Variants in CNTN5 observed in about 807,000 individuals in gnomAD.
The protein encoded by CNTN5 is contactin 5, also known as contactin-5.
CNTN5 carries 77 observed loss-of-function variants against 129.1 expected under a neutral mutation model. The observed-to-expected ratio is 0.60, with a 90% confidence interval of 0.50 to 0.72. CNTN5 has a LOEUF of 0.72. CNTN5 is among the 30% of genes least tolerant of loss of function. The pLI is 0.00. For synonymous variants in CNTN5, 509 were observed against 465.6 expected (o/e 1.09, Z -1.20); for missense variants, 1,478 against 1,328.8 (o/e 1.11, Z -1.75).
intron 13 of CNTN5, among the ~76,000 whole-genome samples, chr11:100,144,041 A>G (rs1280964951): frequency 2.6e-5 from 4 of 152,166 alleles, no homozygotes; most frequent in African/African-American, 9.6e-5. Context: ...AATTCCTATT[A>G]ACATTTAAAA....
intron 16 of CNTN5, among the ~76,000 whole-genome samples, chr11:100,234,378 A>G (rs575521391): frequency 6.6e-6 from 1 of 152,340 alleles, no homozygotes; most frequent in African/African-American, 2.4e-5. Context: ...ACAATTGCAA[A>G]GACTTGGAAC....
chr11:99,677,998 G>A (rs192691831), intron 3 of CNTN5, among the ~76,000 whole-genome samples: 1 of 152,096 alleles, frequency 6.6e-6, no homozygotes, highest in East Asian at 1.9e-4. Flanking sequence ...TTCTACTGAA[G>A]CACTTTATTT....
intron 20 of CNTN5, among the ~76,000 whole-genome samples, chr11:100,306,420 A>G (rs1218656616): frequency 6.6e-6 from 1 of 151,710 alleles, no homozygotes; most frequent in Non-Finnish European, 1.5e-5. Flanking sequence ...TTCTGAAATT[A>G]TTTATCCCCC....
chr11:99,404,131 T>A (rs1215638478), intron 2 of CNTN5, among the ~76,000 whole-genome samples: 1 of 152,082 alleles, frequency 6.6e-6, no homozygotes, highest in African/African-American at 2.4e-5. Flanking sequence ...TCTTCTTATA[T>A]AATTTGTCTT....
At chr11:99,509,507 CA>C (rs34213680) in intron 2 of CNTN5, among the ~76,000 whole-genome samples, 1 of 151,754 alleles carries the variant, frequency 6.6e-6, no homozygotes, top group Non-Finnish European at 1.5e-5. Context: ...AGAGAAAGAG[CA>C]AAAAGGGAAG....
rs145730659 is a variant in CNTN5 at position 100,043,842 on chromosome 11, AT to A, written c.981-17367del. Among the ~76,000 whole-genome samples, 1,467 of 150,570 alleles carry A rather than the reference AT, an allele frequency of 9.7e-3. 37 individuals carry two copies. The highest frequency in any genetic ancestry group is 0.033 in the African/African-American group (1,374 of 41,282). ...TGGATCATTTGATTCAGTTTGTTGT[AT>A]TTCTAATTAGGTCATAAATTCCTTG... is the stretch of plus-strand genomic sequence containing the variant. On this transcript the variant is annotated intron_variant, in intron 9 of 24. Coordinates refer to ENST00000524871, the MANE Select transcript of CNTN5 (RefSeq NM_014361.4).
chr11:99,291,660 G>T (rs1406997589), intron 1 of CNTN5, among the ~76,000 whole-genome samples: 3 of 152,084 alleles, frequency 2.0e-5, no homozygotes, highest in South Asian at 4.1e-4. Flanking sequence ...TCAGAAAAGT[G>T]AATACTTTGT....
intron 1 of CNTN5, among the ~76,000 whole-genome samples, chr11:99,135,183 T>C (rs1859156385): frequency 6.6e-6 from 1 of 152,188 alleles, no homozygotes; most frequent in Non-Finnish European, 1.5e-5. Flanking sequence ...AGTCTCTTCA[T>C]TCTACAGCAG....
intron 3 of CNTN5, among the ~76,000 whole-genome samples, chr11:99,755,521 T>C (rs1003261882): frequency 1.1e-4 from 16 of 152,200 alleles, no homozygotes; most frequent in African/African-American, 2.9e-4. Flanking sequence ...TCTGTATATC[T>C]TTTTTAGTGA....
rs186264841 is a variant in CNTN5, at chr11:99,495,355, G to A, written c.-70-60790G>A. 4.7e-3 allele frequency among the ~76,000 whole-genome samples: 715 copies of A among 152,276 alleles called. 4 individuals carry two copies. The highest frequency in any genetic ancestry group is 0.022 in the South Asian group (106 of 4,820). On this transcript the variant is annotated intron_variant, in intron 2 of 24. Coordinates refer to ENST00000524871, the MANE Select transcript of CNTN5 (RefSeq NM_014361.4). The stretch of plus-strand genomic sequence containing the variant: ...TGCACTCCAGCCTGGGCAACAGAGC[G>A]AGACTTTGTCTCAAAAAATTAAAAA...
rs1217594062 is a variant in CNTN5, at chr11:99,782,335, A to C, written c.56-37209A>C. Reference sequence around the variant, plus strand: ...GCTCAAGGAAGTAAAAGAGGATACAAACAAATGGAAGAACATTCCATGCTC... The same window carrying C: ...GCTCAAGGAAGTAAAAGAGGATACACACAAATGGAAGAACATTCCATGCTC... On this transcript the variant is annotated intron_variant, in intron 3 of 24. Transcript: ENST00000524871. 3.9e-4 allele frequency among the ~76,000 whole-genome samples: 58 copies of C among 149,254 alleles called. 1 individual carries two copies. The highest frequency in any genetic ancestry group is 1.6e-4 in the Non-Finnish European group (11 of 67,656).
At chr11:100,306,813 A>G (rs1417538107) in intron 20 of CNTN5, among the ~76,000 whole-genome samples, 1 of 151,726 alleles carries the variant, frequency 6.6e-6, no homozygotes, top group Non-Finnish European at 1.5e-5. Context: ...AAGTGAGATG[A>G]GGGAAACCAC....
intron 1 of CNTN5, among the ~76,000 whole-genome samples, chr11:99,262,920 T>C (rs1441808205): frequency 6.6e-6 from 1 of 152,038 alleles, no homozygotes; most frequent in East Asian, 1.9e-4. Flanking sequence ...AGGTGAAAGA[T>C]AATAAGAAAG....
At chr11:100,026,115 C>A (rs1010562580) in intron 9 of CNTN5, among the ~76,000 whole-genome samples, 1 of 152,022 alleles carries the variant, frequency 6.6e-6, no homozygotes, top group African/African-American at 2.4e-5. Context: ...AAGGGAGAGA[C>A]CTGGTGAAGG....
chr11:100,337,381 G>T, intron 21 of CNTN5: 1 of 788,324 alleles, frequency 1.3e-6, no homozygotes, highest in East Asian at 2.5e-5. Flanking sequence ...CCAGCCCTCA[G>T]CAGAGAGAGC....
At chr11:99,861,171 A>G (rs1167489587) in intron 6 of CNTN5, among the ~76,000 whole-genome samples, 1 of 151,866 alleles carries the variant, frequency 6.6e-6, no homozygotes, top group Non-Finnish European at 1.5e-5. Context: ...ATTAGCCAGG[A>G]TGGTCTCAAT....
chr11:99,133,110 C>T (rs907508884), intron 1 of CNTN5, among the ~76,000 whole-genome samples: 1 of 152,106 alleles, frequency 6.6e-6, no homozygotes, highest in South Asian at 2.1e-4. Context: ...CACACACCTA[C>T]AACGATCTGA....
intron 13 of CNTN5, among the ~76,000 whole-genome samples, chr11:100,098,281 T>C (rs973615711): frequency 6.6e-6 from 1 of 152,088 alleles, no homozygotes; most frequent in Non-Finnish European, 1.5e-5. Context: ...TCATCTTTTG[T>C]TGTATTCAAA....
intron 20 of CNTN5, among the ~76,000 whole-genome samples, chr11:100,306,267 ATTTAC>A (rs1044317474): frequency 8.8e-4 from 133 of 151,734 alleles, no homozygotes; most frequent in African/African-American, 3.0e-3. Flanking sequence ...GAACATTTTT[ATTTAC>A]TTTAACATTT....
Sources: allele counts gnomAD v4.1 joint callset (sites outside exome capture counted in the v4.1 genomes callset), GRCh38; gene constraint gnomAD v4.1.1; transcripts MANE v1.5; gene names NCBI Gene and HGNC (gene_info 2026-07-23, HGNC 2026-07-21).